The following GLIS1 variants were observed in gnomAD, a reference collection of about 807,000 sequenced individuals.
GLIS1 encodes the protein GLIS family zinc finger 1.
A neutral mutation model predicts 63.8 loss-of-function variants in GLIS1; 24 were observed. That is an observed-to-expected ratio of 0.38 (90% CI 0.27 to 0.53). GLIS1 has a LOEUF of 0.53. Ranked by LOEUF, GLIS1 falls within the 20% of genes least tolerant of loss-of-function variation. The pLI is 0.85. For synonymous variants in GLIS1, 450 were observed against 482.5 expected (o/e 0.93, Z 0.88); for missense variants, 1,036 against 1,074.1 (o/e 0.96, Z 0.50).
chr1:53,686,527 G>A (rs1470061679), intron 2 of GLIS1, among the ~76,000 whole-genome samples: 1 of 152,208 alleles, frequency 6.6e-6, no homozygotes, highest in African/African-American at 2.4e-5. Flanking sequence ...GACCCTGGAG[G>A]CACAGATGAA....
chr1:53,545,820 G>A (rs1025326977), intron 4 of GLIS1, among the ~76,000 whole-genome samples: 4 of 152,208 alleles, frequency 2.6e-5, no homozygotes, highest in African/African-American at 7.2e-5. Flanking sequence ...CTAGTGCTAC[G>A]TGTGCCCTTG....
intron 2 of GLIS1, among the ~76,000 whole-genome samples, chr1:53,622,448 AAAG>A (rs1553130242): frequency 7.4e-6 from 1 of 135,414 alleles, no homozygotes; most frequent in African/African-American, 2.7e-5. Context: ...AAAAAAAAAA[AAAG>A]AAGAAGAAGA....
In GLIS1 at chr1:53,702,548, G is replaced by A. The variant is rs570934409; in HGVS notation, c.259+35258C>T. 2.6e-5 allele frequency among the ~76,000 whole-genome samples: 4 copies of A among 152,304 alleles called. No individual in the cohort carries two copies. The East Asian group carries it at 5.8e-4, about 22-fold the overall frequency. On this transcript the variant is annotated intron_variant, in intron 2 of 10. Coordinates refer to ENST00000628545, the MANE Select transcript of GLIS1 (RefSeq NM_001367484.1). ...GAGACGGCTGACCCAGAGCCACCTG[G>A]CCACAGGCCAGAGTTTCCCTATCAC...
intron 2 of GLIS1, among the ~76,000 whole-genome samples, chr1:53,681,665 G>A (rs531093802): frequency 6.6e-6 from 1 of 152,318 alleles, no homozygotes; most frequent in East Asian, 1.9e-4. Context: ...ACTAAGGAGA[G>A]GTAGGAAAAG....
chr1:53,680,158 G>A (rs916561376), intron 2 of GLIS1, among the ~76,000 whole-genome samples: 2 of 151,952 alleles, frequency 1.3e-5, no homozygotes, highest in Non-Finnish European at 2.9e-5. Flanking sequence ...GATTCTAAAG[G>A]ACCTAGATTG....
Position 53,533,713 on chromosome 1 carries a change from G to A in GLIS1, c.1321-3761C>T, listed in dbSNP as rs532397625. 3.3e-5 allele frequency among the ~76,000 whole-genome samples: 5 copies of A among 151,152 alleles called. No individual in the cohort carries two copies. The East Asian group carries it at 7.7e-4, about 23-fold the overall frequency. ...CCATCAGGACCAGCATCCCAGACAC[G>A]CCAGGGGCCTTGAGGGCCTATGGGA... On this transcript the variant is annotated intron_variant, in intron 4 of 10. Coordinates refer to ENST00000628545, the MANE Select transcript of GLIS1 (RefSeq NM_001367484.1).
intron 2 of GLIS1, among the ~76,000 whole-genome samples, chr1:53,603,892 A>C (rs939471138): frequency 3.3e-5 from 5 of 152,268 alleles, no homozygotes; most frequent in African/African-American, 1.2e-4. Context: ...CATCTATTTC[A>C]TTAATAGATA....
At chr1:53,631,477 T>C (rs1045883969) in intron 2 of GLIS1, among the ~76,000 whole-genome samples, 6 of 152,220 alleles carry the variant, frequency 3.9e-5, no homozygotes, top group Admixed American at 3.9e-4. Flanking sequence ...CTACAAAACA[T>C]TATTCAGTCA....
At chr1:53,516,621 T>C (rs926742798) in intron 7 of GLIS1, among the ~76,000 whole-genome samples, 2 of 151,966 alleles carry the variant, frequency 1.3e-5, no homozygotes, top group Admixed American at 6.5e-5. Context: ...GAGACCAGCC[T>C]GGCCAACATG....
chr1:53,524,754 C>G, intron 6 of GLIS1, 23 bp downstream of exon 6: 1 of 1,573,220 alleles, frequency 6.4e-7, no homozygotes, highest in Non-Finnish European at 8.7e-7. Flanking sequence ...TGGGAGGAGG[C>G]CAGATGAGGA....
intron 2 of GLIS1, among the ~76,000 whole-genome samples, chr1:53,630,892 T>C (rs115982816): frequency 9.7e-4 from 148 of 152,362 alleles, no homozygotes; most frequent in African/African-American, 3.5e-3. Context: ...TTCATTTTTT[T>C]ATTTGAGCTT....
At chr1:53,714,625 G>T (rs1169108782) in intron 2 of GLIS1, among the ~76,000 whole-genome samples, 1 of 152,246 alleles carries the variant, frequency 6.6e-6, no homozygotes, top group Non-Finnish European at 1.5e-5. Context: ...GGGCTCACAT[G>T]AGATTAACAA....
intron 4 of GLIS1, among the ~76,000 whole-genome samples, chr1:53,572,593 G>A (rs147429033): frequency 1.3e-5 from 2 of 152,352 alleles, no homozygotes; most frequent in Non-Finnish European, 2.9e-5. Context: ...GCAGTCAGGG[G>A]ACGTTTACAT....
Position 53,594,547 on chromosome 1 carries a change from C to G in GLIS1, c.881G>C (p.Arg294Pro). 1.9e-6 allele frequency: 3 copies of G among 1,603,406 alleles called. No individual in the cohort carries two copies. The highest frequency in any genetic ancestry group is 2.6e-6 in the Non-Finnish European group (3 of 1,172,258). The change falls in exon 4 of 11, where the codon CGG becomes CCG. Residue 294 changes from arginine (R) to proline (P), a missense_variant. Physicochemically the swap from Arg to Pro is moderately radical, Grantham distance 103 (BLOSUM62 -2). Around this residue, in one of 3 missense-constraint regions of GLIS1, gnomAD observed 592 missense variants for 593.9 expected, o/e 1.00. Coordinates refer to ENST00000628545, the MANE Select transcript of GLIS1 (RefSeq NM_001367484.1). ...CGTCGATGCAGGGCCAGGCCGGGCC[C>G]GCTTGGAAGGGCCCCCCAGATCTCC... The part of the protein sequence containing the change: ...LTGDLGGPSK[R>P]ARPGPASTDS...
intron 4 of GLIS1, among the ~76,000 whole-genome samples, chr1:53,540,048 C>T (rs1644626383): frequency 6.6e-6 from 1 of 152,210 alleles, no homozygotes; most frequent in African/African-American, 2.4e-5. Flanking sequence ...AGCCTGAGGC[C>T]TTCCCAGTTC....
chr1:53,633,765 C>A (rs1645695279), intron 2 of GLIS1, among the ~76,000 whole-genome samples: 1 of 151,850 alleles, frequency 6.6e-6, no homozygotes, highest in Admixed American at 6.6e-5. Flanking sequence ...CACATGCATG[C>A]GTGCACACAC....
At chr1:53,652,751 A>G (rs11576071) in intron 2 of GLIS1, among the ~76,000 whole-genome samples, 15,199 of 152,062 alleles carry the variant, frequency 0.1, 954 homozygotes, top group South Asian at 0.24. Context: ...TAAAACCAAG[A>G]TCCAAGGTGA....
At chr1:53,528,056 T>A (rs576951554) in intron 5 of GLIS1, among the ~76,000 whole-genome samples, 103 of 152,216 alleles carry the variant, frequency 6.8e-4, no homozygotes, top group Non-Finnish European at 2.6e-4. Context: ...CCTGGCACTG[T>A]CAGCGCTGGC....
intron 2 of GLIS1, among the ~76,000 whole-genome samples, chr1:53,671,870 C>T (rs1166942083): frequency 6.6e-6 from 1 of 152,156 alleles, no homozygotes; most frequent in African/African-American, 2.4e-5. Flanking sequence ...GGATTCAAAC[C>T]CAGATCTACC....
Sources: allele counts gnomAD v4.1 joint callset (sites outside exome capture counted in the v4.1 genomes callset), GRCh38; gene constraint gnomAD v4.1.1; regional missense constraint gnomAD v4.1.1; transcripts MANE v1.5; gene names NCBI Gene and HGNC (gene_info 2026-07-23, HGNC 2026-07-21).